CERT1: variants seen among roughly 807,000 people sequenced by gnomAD.
CERT1 encodes the protein ceramide transfer protein.
CERT1 carries 31 observed loss-of-function variants against 87.9 expected under a neutral mutation model. The observed-to-expected ratio is 0.35, with a 90% confidence interval of 0.27 to 0.48. CERT1 has a LOEUF of 0.48. Ranked by LOEUF, CERT1 falls within the 20% of genes least tolerant of loss-of-function variation. The pLI is 0.99. For missense variants in CERT1, 487 were observed against 758.0 expected, an observed-to-expected ratio of 0.64 and a Z score of 4.20; for synonymous variants, 289 against 250.9, an observed-to-expected ratio of 1.15 and a Z score of -1.44.
intron 8 of CERT1, among the ~76,000 whole-genome samples, chr5:75,408,930 G>GA (rs145999319): frequency 8.2e-4 from 118 of 143,948 alleles, no homozygotes; most frequent in South Asian, 1.7e-3. Context: ...CTACCCCTAG[G>GA]AAAAAAAAAA....
At chr5:75,450,053 A>T (rs971150274) in intron 3 of CERT1, among the ~76,000 whole-genome samples, 6 of 152,190 alleles carry the variant, frequency 3.9e-5, no homozygotes, top group Non-Finnish European at 8.8e-5. Context: ...CTATCTTGGT[A>T]AAAGCTAAGC....
chr5:75,387,302 T>C (rs947023691), intron 12 of CERT1, among the ~76,000 whole-genome samples: 1 of 152,210 alleles, frequency 6.6e-6, no homozygotes, highest in African/African-American at 2.4e-5. Context: ...CACATTATTA[T>C]TTTTTGTCTA....
rs940985044 is a variant in CERT1, at chr5:75,382,306, C to T, written c.1489-229G>A. ...TTTTAATTGCAGTAAAATATATACACGTATAATTTGTCATTTTAACTAACT... is the reference window on the plus strand; with the variant it reads ...TTTTAATTGCAGTAAAATATATACATGTATAATTTGTCATTTTAACTAACT... On this transcript the variant is annotated intron_variant, in intron 14 of 16. Coordinates refer to ENST00000643780, the MANE Select transcript of CERT1 (RefSeq NM_001379029.1). Among the ~76,000 whole-genome samples, 50 of 151,908 alleles carry T rather than the reference C, an allele frequency of 3.3e-4. 1 individual carries two copies. Among genetic ancestry groups the T allele is most frequent in the African/African-American group, 1.1e-3 (45 of 41,334 alleles).
At chr5:75,463,137 A>C (rs566125160) in intron 2 of CERT1, among the ~76,000 whole-genome samples, 1 of 152,274 alleles carries the variant, frequency 6.6e-6, no homozygotes, top group South Asian at 2.1e-4. Context: ...TATAACATAC[A>C]TAACAGAAAG....
chr5:75,511,940 T>G, upstream of CERT1: 1 of 996,488 alleles, frequency 1.0e-6, no homozygotes, highest in South Asian at 1.6e-5. Context: ...GGGGATCGCT[T>G]GTCCCCTTGG....
intron 2 of CERT1, among the ~76,000 whole-genome samples, chr5:75,482,928 A>C (rs1445507994): frequency 6.6e-6 from 1 of 152,200 alleles, no homozygotes; most frequent in African/African-American, 2.4e-5. Flanking sequence ...GGTACAAAGA[A>C]GCCCACACTG....
intron 1 of CERT1, among the ~76,000 whole-genome samples, chr5:75,509,531 T>C (rs1188691469): frequency 1.3e-5 from 2 of 152,200 alleles, no homozygotes; most frequent in Non-Finnish European, 2.9e-5. Flanking sequence ...AATACATTTG[T>C]ATGCATTTAA....
At chr5:75,408,594 C>T (rs1241338178) in intron 8 of CERT1, among the ~76,000 whole-genome samples, 1 of 151,904 alleles carries the variant, frequency 6.6e-6, no homozygotes, top group Non-Finnish European at 1.5e-5. Flanking sequence ...TACACACAGA[C>T]ATAAAGATGG....
At chr5:75,478,819 C>G (rs1172630840) in intron 2 of CERT1, among the ~76,000 whole-genome samples, 3 of 143,544 alleles carry the variant, frequency 2.1e-5, no homozygotes, top group African/African-American at 7.8e-5. Context: ...CCAAAGCAAG[C>G]AAGGCTCCTC....
intron 2 of CERT1, among the ~76,000 whole-genome samples, chr5:75,500,851 C>T (rs1439375281): frequency 1.3e-5 from 2 of 152,170 alleles, no homozygotes; most frequent in Middle Eastern, 3.2e-3. Context: ...AATGTAATTT[C>T]TCATTTTACA....
intron 3 of CERT1, among the ~76,000 whole-genome samples, chr5:75,458,496 C>G (rs184727803): frequency 6.6e-6 from 1 of 151,426 alleles, no homozygotes; most frequent in South Asian, 2.1e-4. Flanking sequence ...AATAAAAAAT[C>G]GAAATGTGTT....
At chr5:75,466,940 T>C (rs1430427299) in intron 2 of CERT1, among the ~76,000 whole-genome samples, 1 of 152,258 alleles carries the variant, frequency 6.6e-6, no homozygotes, top group Non-Finnish European at 1.5e-5. Context: ...ATGTGGTTTC[T>C]GGTTCCAGGT....
chr5:75,499,344 C>T (rs1186070393), intron 2 of CERT1, among the ~76,000 whole-genome samples: 3 of 152,096 alleles, frequency 2.0e-5, no homozygotes, highest in Non-Finnish European at 4.4e-5. Flanking sequence ...GTGTCCCCAC[C>T]CAAATCTCAT....
At chr5:75,420,093 C>A (rs1230188740) in intron 5 of CERT1, among the ~76,000 whole-genome samples, 2 of 151,600 alleles carry the variant, frequency 1.3e-5, no homozygotes, top group Admixed American at 1.3e-4. Context: ...TCTTCCACCT[C>A]AGCCTCCCAA....
chr5:75,398,269 T>C (rs1355672885), intron 11 of CERT1, among the ~76,000 whole-genome samples: 2 of 152,204 alleles, frequency 1.3e-5, no homozygotes, highest in Non-Finnish European at 2.9e-5. Flanking sequence ...CTTTAAACTA[T>C]GACTTTTAAA....
At chr5:75,467,815 G>C (rs942685341) in intron 2 of CERT1, among the ~76,000 whole-genome samples, 1 of 152,078 alleles carries the variant, frequency 6.6e-6, no homozygotes, top group Non-Finnish European at 1.5e-5. Context: ...ATTAAGGTGA[G>C]TTGTACCAAT....
intron 2 of CERT1, among the ~76,000 whole-genome samples, chr5:75,463,629 ACAGGTGTTACCAAAACAC>A (rs1765331976): frequency 6.6e-6 from 1 of 152,234 alleles, no homozygotes; most frequent in Non-Finnish European, 1.5e-5. Context: ...AAATGACTTA[ACAGGTGTTACCAAAACAC>A]CAGGGGTTTG....
intron 2 of CERT1, among the ~76,000 whole-genome samples, chr5:75,463,490 A>C (rs1765325261): frequency 6.6e-6 from 1 of 152,188 alleles, no homozygotes. Flanking sequence ...AAAAAATTTC[A>C]AAAGGTGAAT....
At chr5:75,460,920 G>T (rs971621186) in intron 2 of CERT1, among the ~76,000 whole-genome samples, 8 of 152,172 alleles carry the variant, frequency 5.3e-5, no homozygotes, top group African/African-American at 1.9e-4. Flanking sequence ...CTACAAATGA[G>T]AAGTAGAGTG....
Sources: allele counts gnomAD v4.1 joint callset (sites outside exome capture counted in the v4.1 genomes callset), GRCh38; gene constraint gnomAD v4.1.1; transcripts MANE v1.5; gene names NCBI Gene and HGNC (gene_info 2026-07-23, HGNC 2026-07-21).